GPHN: variants seen among roughly 807,000 people sequenced by gnomAD.
GPHN encodes the protein gephyrin.
A neutral mutation model predicts 95.5 loss-of-function variants in GPHN; 17 were observed. That is an observed-to-expected ratio of 0.18 (90% CI 0.12 to 0.27). The LOEUF is 0.27. GPHN is among the 10% of genes least tolerant of loss of function. The pLI is 1.00. For missense variants in GPHN, 660 were observed against 978.1 expected, an observed-to-expected ratio of 0.67 and a Z score of 4.34; for synonymous variants, 320 against 322.5, an observed-to-expected ratio of 0.99 and a Z score of 0.08.
At chr14:66,940,679 G>A (rs1334752467) in intron 8 of GPHN, among the ~76,000 whole-genome samples, 1 of 152,170 alleles carries the variant, frequency 6.6e-6, no homozygotes, top group East Asian at 1.9e-4. Flanking sequence ...ATGCTCACCT[G>A]CATTGTGCCT....
chr14:67,302,140 T>A, the GPHN span: 1 of 1,572,068 alleles, frequency 6.4e-7, no homozygotes, highest in South Asian at 1.2e-5. Flanking sequence ...ACATACTGTT[T>A]TTAAACAAGT....
At position 66,728,574 on chromosome 14, in the gene GPHN, T is replaced by G. The variant is rs537756358; in HGVS notation, c.143+47389T>G. On this transcript the variant is annotated intron_variant, in intron 2 of 22. Transcript: ENST00000478722. Reference sequence around the variant, plus strand: ...AGACCTGGAGTCAAAGGAGATCATTTGATTTGACGTAAGATTTGACTGCCT... The same window carrying G: ...AGACCTGGAGTCAAAGGAGATCATTGGATTTGACGTAAGATTTGACTGCCT... Among the ~76,000 whole-genome samples, 14 of 152,350 alleles carry G rather than the reference T, an allele frequency of 9.2e-5. No homozygotes were observed. In the South Asian group the frequency reaches 2.9e-3, roughly 32 times the overall value.
rs936248163 is a variant in GPHN at position 67,075,376 on chromosome 14, A to G, written c.1145-13607A>G. Among the ~76,000 whole-genome samples the G allele has an allele frequency of 3.9e-4, 60 of 152,196 alleles. 2 individuals are homozygous for G. Among genetic ancestry groups the G allele is most frequent in the Non-Finnish European group, 1.5e-5 (1 of 68,028 alleles). On this transcript the variant is annotated intron_variant, in intron 11 of 22. Transcript: ENST00000478722. ...ACTATTATTGATATTGCATCTAGTC[A>G]TCCAAGAGCTCTGATTGGGATGTAC...
intron 1 of GPHN, among the ~76,000 whole-genome samples, chr14:66,652,302 T>G (rs1012951751): frequency 1.3e-5 from 2 of 152,288 alleles, no homozygotes; most frequent in Middle Eastern, 3.4e-3. Context: ...CTGTGTCATA[T>G]AGAAAAGGAG....
At chr14:66,550,154 G>A (rs1189309061) in intron 1 of GPHN, among the ~76,000 whole-genome samples, 1 of 152,188 alleles carries the variant, frequency 6.6e-6, no homozygotes, top group Non-Finnish European at 1.5e-5. Context: ...AGCTACCATA[G>A]ATAGTAATTC....
chr14:67,410,962 A>G, the GPHN span, among the ~76,000 whole-genome samples: 1 of 152,054 alleles, frequency 6.6e-6, no homozygotes, highest in African/African-American at 2.4e-5. Context: ...CCTGGGAAAC[A>G]TGGCGAAACC....
intron 1 of GPHN, among the ~76,000 whole-genome samples, chr14:66,589,052 A>G (rs1031042623): frequency 2.6e-5 from 4 of 152,228 alleles, no homozygotes; most frequent in African/African-American, 9.6e-5. Flanking sequence ...AAATCCTACA[A>G]GCCAGAAGAG....
chr14:67,553,087 A>G, the GPHN span, among the ~76,000 whole-genome samples: 3 of 152,228 alleles, frequency 2.0e-5, no homozygotes, highest in African/African-American at 7.2e-5. Context: ...CCTTTACTCC[A>G]CCTTGGTCTC....
the GPHN span, chr14:67,642,173 C>T: frequency 5.0e-6 from 8 of 1,612,332 alleles, no homozygotes; most frequent in Non-Finnish European, 6.8e-6. Flanking sequence ...TGTCATCCCT[C>T]ATTTGCTTCC....
At chr14:66,890,124 C>T (rs751077582) in intron 5 of GPHN, among the ~76,000 whole-genome samples, 51 of 152,104 alleles carry the variant, frequency 3.4e-4, no homozygotes, top group Non-Finnish European at 1.0e-4. Context: ...AAATTAACAA[C>T]CTCTCAGCTG....
the GPHN span, among the ~76,000 whole-genome samples, chr14:67,530,189 A>G: frequency 6.6e-6 from 1 of 152,270 alleles, no homozygotes; most frequent in South Asian, 2.1e-4. Context: ...CAAAGAATAA[A>G]TAACAAAAGC....
the GPHN span, among the ~76,000 whole-genome samples, chr14:67,242,427 G>A: frequency 6.6e-6 from 1 of 152,064 alleles, no homozygotes; most frequent in Non-Finnish European, 1.5e-5. Context: ...CGCAGTGAAA[G>A]GTGTTAATAT....
the GPHN span, chr14:67,569,837 G>A: frequency 1.9e-5 from 16 of 834,510 alleles, no homozygotes; most frequent in East Asian, 3.7e-4. Flanking sequence ...TGGAGGGAAT[G>A]CCATCTGCCC....
chr14:67,477,941 G>A, the GPHN span, among the ~76,000 whole-genome samples: 1 of 152,158 alleles, frequency 6.6e-6, no homozygotes, highest in Non-Finnish European at 1.5e-5. Context: ...CTGAGAGTGA[G>A]GGCCTTGCCT....
intron 2 of GPHN, among the ~76,000 whole-genome samples, chr14:66,757,178 T>C (rs2058587425): frequency 6.6e-6 from 1 of 152,182 alleles, no homozygotes; most frequent in African/African-American, 2.4e-5. Context: ...TTAAAACTCA[T>C]TGGTATATTT....
intron 2 of GPHN, among the ~76,000 whole-genome samples, chr14:66,681,918 T>C (rs973129241): frequency 3.3e-5 from 5 of 152,192 alleles, no homozygotes; most frequent in African/African-American, 4.8e-5. Context: ...GCCAGGTGCC[T>C]TCTATAATGA....
intron 1 of GPHN, among the ~76,000 whole-genome samples, chr14:66,588,512 A>G (rs924795456): frequency 2.0e-5 from 3 of 152,126 alleles, no homozygotes; most frequent in African/African-American, 7.2e-5. Flanking sequence ...ATGAATTGCT[A>G]ACTAGAGTAA....
chr14:67,425,893 C>T, the GPHN span, among the ~76,000 whole-genome samples: 7 of 151,684 alleles, frequency 4.6e-5, no homozygotes, highest in South Asian at 6.3e-4. Flanking sequence ...CCCCACACCC[C>T]ACATCTTGTC....
At chr14:66,627,066 G>A (rs1160769092) in intron 1 of GPHN, among the ~76,000 whole-genome samples, 1 of 151,842 alleles carries the variant, frequency 6.6e-6, no homozygotes, top group Non-Finnish European at 1.5e-5. Flanking sequence ...GGGAATAGAG[G>A]ATAGATAGCA....
Sources: gnomAD v4.1 joint callset for allele counts (sites outside exome capture counted in the v4.1 genomes callset) on GRCh38, gnomAD v4.1.1 for gene constraint, MANE v1.5 for transcripts, NCBI Gene and HGNC (gene_info 2026-07-23, HGNC 2026-07-21) for gene names.